Variants in PLCXD3 observed in about 807,000 individuals in gnomAD.
The protein encoded by PLCXD3 is PI-PLC X domain-containing protein 3.
A neutral mutation model predicts 25.5 loss-of-function variants in PLCXD3; 19 were observed. The observed-to-expected ratio is 0.75, with a 90% CI of 0.52 to 1.09. PLCXD3 has a LOEUF of 1.09. Ranked by LOEUF, PLCXD3 falls within the 50% of genes least tolerant of loss-of-function variation. The pLI is 0.00. For synonymous variants in PLCXD3, 174 were observed against 137.6 expected (o/e 1.26, Z -1.85); for missense variants, 411 against 388.1 (o/e 1.06, Z -0.50).
intron 2 of PLCXD3, among the ~76,000 whole-genome samples, chr5:41,350,251 C>A (rs1055283459): frequency 6.6e-6 from 1 of 152,128 alleles, no homozygotes; most frequent in Non-Finnish European, 1.5e-5. Flanking sequence ...ACGAATGAGG[C>A]ATATTTGATT....
At chr5:41,345,683 TAC>T (rs57657516) in intron 2 of PLCXD3, among the ~76,000 whole-genome samples, 71,272 of 145,808 alleles carry the variant, frequency 0.49, 17,471 homozygotes, top group South Asian at 0.62. Context: ...TACATATGTG[TAC>T]ACACACACAC....
intron 2 of PLCXD3, among the ~76,000 whole-genome samples, chr5:41,374,606 G>C (rs1408107974): frequency 6.6e-6 from 1 of 152,118 alleles, no homozygotes; most frequent in Non-Finnish European, 1.5e-5. Flanking sequence ...TAGAGACAGG[G>C]AGTGACAGAG....
chr5:41,374,883 A>G (rs1745240064), intron 2 of PLCXD3, among the ~76,000 whole-genome samples: 2 of 152,086 alleles, frequency 1.3e-5, no homozygotes, highest in Non-Finnish European at 2.9e-5. Context: ...GGAGATGGGT[A>G]CTGTCTTGTG....
At chr5:41,489,715 T>A (rs966858604) in intron 1 of PLCXD3, among the ~76,000 whole-genome samples, 1 of 152,218 alleles carries the variant, frequency 6.6e-6, no homozygotes, top group African/African-American at 2.4e-5. Context: ...GGGAGTTCAC[T>A]CATGATTTGG....
intron 1 of PLCXD3, among the ~76,000 whole-genome samples, chr5:41,452,453 A>G (rs1747654850): frequency 6.6e-6 from 1 of 152,040 alleles, no homozygotes; most frequent in Non-Finnish European, 1.5e-5. Context: ...ATGAACAGTC[A>G]ATGATCCCTC....
chr5:41,472,430 A>C lies in PLCXD3; in HGVS notation c.103+37994T>G, dbSNP rs534446729. ...CATGACTTTAGATTTCCTGGCTACAAAACCCAGCAAGAGATTTTAAGGGGA... is the reference window on the plus strand; with the variant it reads ...CATGACTTTAGATTTCCTGGCTACACAACCCAGCAAGAGATTTTAAGGGGA... On this transcript the variant is annotated intron_variant, in intron 1 of 2. Coordinates refer to ENST00000377801, the MANE Select transcript of PLCXD3 (RefSeq NM_001005473.3). 8.5e-5 allele frequency among the ~76,000 whole-genome samples: 13 copies of C among 152,344 alleles called. No homozygotes were observed. The East Asian group carries it at 2.5e-3, about 29-fold the overall frequency.
intron 2 of PLCXD3, among the ~76,000 whole-genome samples, chr5:41,335,579 A>T (rs371920574): frequency 2.5e-4 from 38 of 152,278 alleles, no homozygotes; most frequent in East Asian, 2.1e-3. Flanking sequence ...CTTTAAAAAT[A>T]TGCATTTATT....
intron 1 of PLCXD3, among the ~76,000 whole-genome samples, chr5:41,387,642 A>G (rs948477481): frequency 2.0e-5 from 3 of 152,140 alleles, no homozygotes; most frequent in Admixed American, 6.6e-5. Context: ...AAAAAATTAT[A>G]TGTACTACTA....
chr5:41,489,317 G>A (rs1748596816), intron 1 of PLCXD3, among the ~76,000 whole-genome samples: 8 of 152,238 alleles, frequency 5.3e-5, no homozygotes, highest in Admixed American at 3.3e-4. Flanking sequence ...GTACCATGCT[G>A]TTTTGGTTAC....
intron 1 of PLCXD3, among the ~76,000 whole-genome samples, chr5:41,387,011 T>G (rs763606630): frequency 2.0e-5 from 3 of 152,028 alleles, no homozygotes; most frequent in Non-Finnish European, 4.4e-5. Context: ...TTCTGGTTAT[T>G]CAGGGAGTTA....
chr5:41,318,603 A>C (rs1743368149), intron 2 of PLCXD3, among the ~76,000 whole-genome samples: 1 of 152,176 alleles, frequency 6.6e-6, no homozygotes, highest in African/African-American at 2.4e-5. Flanking sequence ...TGGATACACA[A>C]AAAATAAGAA....
intron 1 of PLCXD3, among the ~76,000 whole-genome samples, chr5:41,476,516 G>T (rs1215218836): frequency 6.6e-6 from 1 of 152,150 alleles, no homozygotes. Context: ...AGCTTTTCTG[G>T]TTGGCAACAT....
chr5:41,473,254 C>T (rs1184124012), intron 1 of PLCXD3, among the ~76,000 whole-genome samples: 1 of 151,872 alleles, frequency 6.6e-6, no homozygotes, highest in Non-Finnish European at 1.5e-5. Context: ...CATCTTGGGC[C>T]TTTAATGAAT....
intron 1 of PLCXD3, among the ~76,000 whole-genome samples, chr5:41,467,796 A>G (rs1748055491): frequency 1.3e-5 from 2 of 152,094 alleles, no homozygotes; most frequent in Admixed American, 1.3e-4. Context: ...TTTTCCCGAC[A>G]CCATTAATTG....
chr5:41,466,038 C>T (rs1232731751), intron 1 of PLCXD3, among the ~76,000 whole-genome samples: 2 of 152,068 alleles, frequency 1.3e-5, no homozygotes, highest in Non-Finnish European at 2.9e-5. Context: ...TTATCATTTT[C>T]CCCTAGATCT....
chr5:41,489,578 C>G (rs1748606443), intron 1 of PLCXD3, among the ~76,000 whole-genome samples: 2 of 151,586 alleles, frequency 1.3e-5, no homozygotes, highest in South Asian at 4.2e-4. Context: ...AATGTTCTTC[C>G]ATTTGTTTGT....
chr5:41,477,859 CCT>C (rs1240375543), intron 1 of PLCXD3, among the ~76,000 whole-genome samples: 1 of 152,148 alleles, frequency 6.6e-6, no homozygotes, highest in Non-Finnish European at 1.5e-5. Context: ...TCTTTTGCAG[CCT>C]CTCTTTCCTC....
rs527265063 is a variant in PLCXD3 at position 41,342,365 on chromosome 5, A to G, written c.813-28595T>C. On this transcript the variant is annotated intron_variant, in intron 2 of 2. Coordinates refer to ENST00000377801, the MANE Select transcript of PLCXD3 (RefSeq NM_001005473.3). ...GAGACTAAACTTTCTAGTTTAATCT[A>G]GAAAACCTGAATATATATTCAGGAA... Among the ~76,000 whole-genome samples, 12 of 152,288 alleles carry G rather than the reference A, an allele frequency of 7.9e-5. No homozygotes were observed. In the East Asian group the frequency reaches 1.9e-3, roughly 25 times the overall value.
At chr5:41,432,301 C>T (rs1169225169) in intron 1 of PLCXD3, among the ~76,000 whole-genome samples, 2 of 152,178 alleles carry the variant, frequency 1.3e-5, no homozygotes, top group Non-Finnish European at 1.5e-5. Flanking sequence ...AATCGAGCTT[C>T]TTTCTAAATG....
Sources: gnomAD v4.1 joint callset for allele counts (sites outside exome capture counted in the v4.1 genomes callset) on GRCh38, gnomAD v4.1.1 for gene constraint, MANE v1.5 for transcripts, NCBI Gene and HGNC (gene_info 2026-07-23, HGNC 2026-07-21) for gene names.